ABCF2: variants seen among roughly 807,000 people sequenced by gnomAD.
The protein encoded by ABCF2 is ATP-binding cassette sub-family F member 2.
ABCF2 carries 37 observed loss-of-function variants against 76.9 expected under a neutral mutation model. The ratio of observed to expected loss-of-function variants is 0.48; its 90% confidence interval spans 0.37 to 0.63. The LOEUF is 0.63. Ranked by LOEUF, ABCF2 falls within the 30% of genes least tolerant of loss-of-function variation. The probability of loss-of-function intolerance (pLI) is 0.00; values close to 1 mark genes in which losing one functional copy is unlikely to be tolerated. For missense variants in ABCF2, 524 were observed against 782.1 expected (o/e 0.67, Z 3.94); for synonymous variants, 299 against 283.7 (o/e 1.05, Z -0.54).
chr7:151,217,857 A>T lies in ABCF2; in HGVS notation c.1338+224T>A, dbSNP rs1045966423. On this transcript the variant is annotated intron_variant, in intron 11 of 14. Transcript: ENST00000287844. ...CATGTATTCACACACACACTCTAAG[A>T]CTCCTCCCTACCTATCCCTGTCCCA... Among the ~76,000 whole-genome samples the T allele has an allele frequency of 9.3e-5, 14 of 151,086 alleles. No homozygotes were observed. The South Asian group carries it at 2.3e-3, about 25-fold the overall frequency.
intron 6 of ABCF2, 99 bp from the exon 7 acceptor site, chr7:151,221,779 T>C: frequency 1.2e-6 from 1 of 845,846 alleles, no homozygotes. Context: ...CCTAAGCACC[T>C]TTTAGATGTG....
In ABCF2 at chr7:151,212,481, G is replaced by T. The variant is rs200211120; in HGVS notation, c.*1573C>A. ...TCTACCAAATGCGATTAATCAATAG[G>T]TCTGATGCTCAGCAATCTGAATTTT... On this transcript the variant is annotated 3_prime_UTR_variant, in exon 15 of 15. Transcript: ENST00000287844. 6 of 985,310 alleles carry T rather than the reference G, an allele frequency of 6.1e-6. No homozygotes were observed. In the East Asian group the frequency reaches 6.8e-4, roughly 112 times the overall value. The allele number at this position is 985,310 out of a possible 1,614,324, so 61.0% of individuals were successfully genotyped here. A position where few individuals can be genotyped will look rare whatever the true frequency, so the allele number is the denominator to read the frequency against.
chr7:151,223,425 C>T (rs908040281), intron 5 of ABCF2, among the ~76,000 whole-genome samples: 21 of 152,168 alleles, frequency 1.4e-4, no homozygotes, highest in Non-Finnish European at 2.6e-4. Flanking sequence ...ACCGTTTTAC[C>T]TAGGACTACC....
chr7:151,215,069 C>T lies in ABCF2; in HGVS notation c.1544G>A (p.Arg515Gln), dbSNP rs774897859. 9.3e-6 allele frequency: 15 copies of T among 1,613,366 alleles called. No individual in the cohort carries two copies. Among genetic ancestry groups the T allele is most frequent in the Admixed American group, 6.7e-5 (4 of 59,914 alleles). ...LTGKQQVSPI[R>Q]NLSDGQKCRV... ...GCACTTCTGCCCGTCTGACAAGTTCCGGATTGGGCTCACCTGAGTAGAACC... is the reference window on the plus strand; with the variant it reads ...GCACTTCTGCCCGTCTGACAAGTTCTGGATTGGGCTCACCTGAGTAGAACC... Residue 515 changes from arginine to glutamine, a missense_variant, in exon 14 of 15, where the codon CGG becomes CAG. By Grantham distance (43) the Arg-to-Gln change is conservative. This residue lies in a region of ABCF2 where 194 missense variants were observed against 348.6 expected (regional missense o/e 0.56). Transcript: ENST00000287844. This position sits in a 1 kb window ranked among gnomAD's most constrained non-coding sequence, Gnocchi z 4.6.
chr7:151,213,989 G>A lies in ABCF2; in HGVS notation c.*65C>T, dbSNP rs549296410. On this transcript the variant is annotated 3_prime_UTR_variant, in exon 15 of 15. Coordinates refer to ENST00000287844, the MANE Select transcript of ABCF2 (RefSeq NM_007189.3). ...GTAGCCCCAGGGTCCTGTCCTGAGC[G>A]GCTGGTCAGGTTAGCAGCTGTTAGT... The A allele has an allele frequency of 3.1e-5, 49 of 1,596,830 alleles. No individual in the cohort carries two copies. The highest frequency in any genetic ancestry group is 2.6e-4 in the African/African-American group (19 of 74,310).
rs1774443080 is a variant in ABCF2 at position 151,218,078 on chromosome 7, T to C, written c.1338+3A>G. On this transcript the variant is annotated splice_donor_region_variant and intron_variant, in intron 11 of 14. Transcript: ENST00000287844. Reference sequence around the variant, plus strand: ...GGGATCCACGCCCACCTTGGCACCATACCTCTCCAGTTAGCAGCTTCAGAA... The same window carrying C: ...GGGATCCACGCCCACCTTGGCACCACACCTCTCCAGTTAGCAGCTTCAGAA... The C allele has an allele frequency of 6.2e-7, 1 of 1,608,322 alleles. No homozygotes were observed. Among genetic ancestry groups the C allele is most frequent in the African/African-American group, 1.3e-5 (1 of 74,786 alleles).
At position 151,215,878 on chromosome 7, in the gene ABCF2, G is replaced by A. The variant is rs546637416; in HGVS notation, c.1401+89C>T. Reference sequence around the variant, plus strand: ...CCACCTAGGCTGGAATTCCTGCCAGGGGGTGGGGGCGGCTGGCTGGAACTC... The same window carrying A: ...CCACCTAGGCTGGAATTCCTGCCAGAGGGTGGGGGCGGCTGGCTGGAACTC... On this transcript the variant is annotated intron_variant, in intron 12 of 14. Coordinates refer to ENST00000287844, the MANE Select transcript of ABCF2 (RefSeq NM_007189.3). This position sits in a 1 kb window ranked among gnomAD's most constrained non-coding sequence, Gnocchi z 4.6. The A allele has an allele frequency of 3.2e-6, 5 of 1,584,526 alleles. No individual in the cohort carries two copies. The highest frequency in any genetic ancestry group is 2.2e-5 in the East Asian group (1 of 44,576).
Position 151,212,986 on chromosome 7 carries a change from A to G in ABCF2, c.*1068T>C. On this transcript the variant is annotated 3_prime_UTR_variant, in exon 15 of 15. Coordinates refer to ENST00000287844, the MANE Select transcript of ABCF2 (RefSeq NM_007189.3). The stretch of plus-strand genomic sequence containing the variant: ...GCCATGTTTCCCAAGCTGGTCTTGA[A>G]CTCCTGAGCTCAAGTGATCCACCTG... The G allele has an allele frequency of 1.3e-6, 1 of 788,602 alleles. No individual in the cohort carries two copies. Among genetic ancestry groups the G allele is most frequent in the Non-Finnish European group, 1.5e-6 (1 of 651,072 alleles). The allele number at this position is 788,602 out of a possible 1,614,324, so 48.9% of individuals were successfully genotyped here. A position where few individuals can be genotyped will look rare whatever the true frequency, so the allele number is the denominator to read the frequency against.
In ABCF2 at chr7:151,214,992, C is replaced by T; in HGVS notation, c.1621G>A (p.Asp541Asn). The change falls in exon 14 of 15, where the codon GAT becomes AAT. Residue 541 changes from aspartate (D) to asparagine (N), a missense_variant. Physicochemically the swap from Asp to Asn is conservative, Grantham distance 23. Around this residue, in one of 2 missense-constraint regions of ABCF2, gnomAD observed 194 missense variants for 348.6 expected, o/e 0.56. Transcript: ENST00000287844. The surrounding 1 kb of genome is among the most constrained non-coding windows in gnomAD (Gnocchi z 4.9). ...ATATCCAGGTGATTGGTGGGTTCAT[C>T]CAGGAAGAGCATGTGGGGGTTCTGC... ...AWQNPHMLFL[D>N]EPTNHLDIET... 1 of 1,614,218 alleles carries T rather than the reference C, an allele frequency of 6.2e-7. No homozygotes were observed.
intron 2 of ABCF2, 122 bp from the exon 3 acceptor site, chr7:151,225,110 C>T: frequency 1.2e-6 from 1 of 861,628 alleles, no homozygotes; most frequent in South Asian, 1.4e-5. Context: ...CCAAACTTTA[C>T]AGAGTGCACA....
In ABCF2 at chr7:151,218,166, A is replaced by C. The variant is rs1365636744; in HGVS notation, c.1253T>G (p.Phe418Cys). The C allele has an allele frequency of 6.2e-7, 1 of 1,613,786 alleles. No homozygotes were observed. The highest frequency in any genetic ancestry group is 1.3e-5 in the African/African-American group (1 of 75,008). ...CACTCGTGTGTCAAGGTCAATTCCA[A>C]ATTCTAGATTATTGTAGATGCAAGG... ...DGPCIYNNLEFGIDLDTRVAL... is the reference protein window; with the variant it reads ...DGPCIYNNLECGIDLDTRVAL... Residue 418 changes from phenylalanine (F) to cysteine (C), a missense_variant, in exon 11 of 15, where the codon TTT becomes TGT. By Grantham distance (205) the Phe-to-Cys change is radical. This residue lies in a region of ABCF2 where 194 missense variants were observed against 348.6 expected (regional missense o/e 0.56). Transcript: ENST00000287844.
chr7:151,215,572 C>A lies in ABCF2; in HGVS notation c.1530+32G>T, dbSNP rs762430950. On this transcript the variant is annotated intron_variant, in intron 13 of 14. Transcript: ENST00000287844. This position sits in a 1 kb window ranked among gnomAD's most constrained non-coding sequence, Gnocchi z 4.6. ...CACCCAGCCACAGTCTGCCAGCTAT[C>A]TGGCATCCTCACCACACCCTCCTTT... 3.7e-6 allele frequency: 6 copies of A among 1,612,360 alleles called. No individual in the cohort carries two copies. In the South Asian group the frequency reaches 6.6e-5, roughly 18 times the overall value.
At chr7:151,223,879 T>C in intron 4 of ABCF2, 30 bp from the exon 5 acceptor site, 1 of 1,605,726 alleles carries the variant, frequency 6.2e-7, no homozygotes, top group Non-Finnish European at 8.5e-7. Context: ...ATGAGGCTCC[T>C]GGGGGCCTTT....
At position 151,218,808 on chromosome 7, in the gene ABCF2, C is replaced by T; in HGVS notation, c.1083G>A (p.Lys361=). Residue 361 remains lysine, a synonymous_variant, in exon 9 of 15, where the codon AAG becomes AAA. Coordinates refer to ENST00000287844, the MANE Select transcript of ABCF2 (RefSeq NM_007189.3). The part of the protein sequence containing the change: ...KLARQAQSKE[K]TLQKMMASGL... ...CTGATGCCATCATTTTCTGTAGCGTCTTCTCCTTGCTCTGGGCCTGCCGGG... is the reference window on the plus strand; with the variant it reads ...CTGATGCCATCATTTTCTGTAGCGTTTTCTCCTTGCTCTGGGCCTGCCGGG... 6 of 1,613,712 alleles carry T rather than the reference C, an allele frequency of 3.7e-6. No individual in the cohort carries two copies. Among genetic ancestry groups the T allele is most frequent in the Non-Finnish European group, 5.1e-6 (6 of 1,179,994 alleles).
Position 151,213,390 on chromosome 7 carries a change from G to A in ABCF2, c.*664C>T. ...GGACAAAGTTCTTCCAGCTCCTATG[G>A]ACTAGTCTTCAGTTCCCATCGACAC... On this transcript the variant is annotated 3_prime_UTR_variant, in exon 15 of 15. Coordinates refer to ENST00000287844, the MANE Select transcript of ABCF2 (RefSeq NM_007189.3). 2.0e-6 allele frequency: 2 copies of A among 985,344 alleles called. No homozygotes were observed. The highest frequency in any genetic ancestry group is 2.4e-6 in the Non-Finnish European group (2 of 829,896). The allele number at this position is 985,344 out of a possible 1,614,324, so 61.0% of individuals were successfully genotyped here.
intron 11 of ABCF2, among the ~76,000 whole-genome samples, chr7:151,217,565 C>A (rs1225065646): frequency 1.3e-5 from 2 of 152,106 alleles, no homozygotes; most frequent in Non-Finnish European, 2.9e-5. Flanking sequence ...CTTTGGGAGG[C>A]CGAGGTGGGC....
rs530045499 is a variant in ABCF2, at chr7:151,215,181, G to A, written c.1531-99C>T. ...TCTCCCTGACTCCTCCATTAGCATC[G>A]CCATTTATAAAAAGTGAGGCTCAGA... is the stretch of plus-strand genomic sequence containing the variant. On this transcript the variant is annotated intron_variant, in intron 13 of 14. Transcript: ENST00000287844. The surrounding 1 kb of genome is among the most constrained non-coding windows in gnomAD (Gnocchi z 4.6). The A allele has an allele frequency of 1.3e-5, 15 of 1,167,316 alleles. No individual in the cohort carries two copies. Among genetic ancestry groups the A allele is most frequent in the East Asian group, 2.6e-5 (1 of 38,982 alleles). 72.3% of individuals were successfully genotyped at this position (1,167,316 alleles called of 1,614,324 possible).
At chr7:151,221,218 G>A (rs1044539215) in intron 7 of ABCF2, among the ~76,000 whole-genome samples, 66 of 104,204 alleles carry the variant, frequency 6.3e-4, no homozygotes, top group African/African-American at 2.4e-3. Context: ...TTTTTTTTTT[G>A]AGATGGAGTC....
At chr7:151,221,968 T>C in intron 6 of ABCF2, 1 of 344,704 alleles carries the variant, frequency 2.9e-6, no homozygotes, top group Non-Finnish European at 5.4e-6. Context: ...GAAGTGTGTA[T>C]GTACACAAAT....
Sources: gnomAD v4.1 joint callset for allele counts (sites outside exome capture counted in the v4.1 genomes callset) on GRCh38, gnomAD v4.1.1 for gene constraint, gnomAD v4.1.1 regional missense constraint, Gnocchi (gnomAD v3.1) non-coding constraint, MANE v1.5 for transcripts, NCBI Gene and HGNC (gene_info 2026-07-23, HGNC 2026-07-21) for gene names.